The following ARL5B variants were observed in gnomAD, a reference collection of about 807,000 sequenced individuals.
ARL5B encodes the protein ADP-ribosylation factor-like protein 5B.
ARL5B carries 10 observed loss-of-function variants against 26.9 expected under a neutral mutation model. The observed-to-expected ratio is 0.37, with a 90% confidence interval of 0.23 to 0.63. The LOEUF is 0.63. Among genes scored for constraint, ARL5B ranks in the 30% least tolerant of loss-of-function variants. The probability of loss-of-function intolerance (pLI) is 0.62; values close to 1 mark genes in which losing one functional copy is unlikely to be tolerated. For missense variants in ARL5B, 167 were observed against 213.9 expected (o/e 0.78, Z 1.37); for synonymous variants, 87 against 70.4 (o/e 1.24, Z -1.18).
At chr10:18,664,120 A>ATT (rs1417998382) in intron 1 of ARL5B, among the ~76,000 whole-genome samples, 2 of 150,294 alleles carry the variant, frequency 1.3e-5, no homozygotes, top group South Asian at 2.1e-4. Context: ...TGCCCGGCTA[A>ATT]GTTTTGTATT....
intron 1 of ARL5B, 95 bp from the exon 2 acceptor site, chr10:18,666,480 T>C (rs144263128): frequency 4.9e-5 from 50 of 1,015,040 alleles, no homozygotes; most frequent in African/African-American, 3.1e-4. Flanking sequence ...AGTGAATGAT[T>C]CTCATTAATG....
At position 18,677,695 on chromosome 10, in the gene ARL5B, A is replaced by G. The variant is rs530528942; in HGVS notation, c.*2479A>G. 3.3e-5 allele frequency: 5 copies of G among 152,454 alleles called. No individual in the cohort carries two copies. Among genetic ancestry groups the G allele is most frequent in the East Asian group, 1.9e-4 (1 of 5,188 alleles). The allele number at this position is 152,454 out of a possible 1,614,324, so 9.4% of individuals were successfully genotyped here. A position where few individuals can be genotyped will look rare whatever the true frequency, so the allele number is the denominator to read the frequency against. Reference sequence around the variant, plus strand: ...GTAAGATACTGTCTAAAAAATGTACATTTGTAATTAGTGCCTTTATTCATA... The same window carrying G: ...GTAAGATACTGTCTAAAAAATGTACGTTTGTAATTAGTGCCTTTATTCATA... On this transcript the variant is annotated 3_prime_UTR_variant, in exon 6 of 6. Transcript: ENST00000377275.
chr10:18,661,683 A>G (rs538681377), intron 1 of ARL5B, among the ~76,000 whole-genome samples: 2 of 152,368 alleles, frequency 1.3e-5, no homozygotes, highest in African/African-American at 4.8e-5. Flanking sequence ...TAAATTATTT[A>G]ACAGATATGT....
chr10:18,669,061 G>A (rs937595383), intron 3 of ARL5B, among the ~76,000 whole-genome samples: 2 of 151,998 alleles, frequency 1.3e-5, no homozygotes, highest in Admixed American at 6.6e-5. Context: ...GAGCCACCGT[G>A]GCCGGCCTTT....
At chr10:18,671,997 A>G (rs1044408197) in intron 3 of ARL5B, among the ~76,000 whole-genome samples, 2 of 152,102 alleles carry the variant, frequency 1.3e-5, no homozygotes, top group African/African-American at 4.8e-5. Context: ...TTTTTCATGT[A>G]TAGCTTTACC....
intron 1 of ARL5B, among the ~76,000 whole-genome samples, chr10:18,661,618 G>T (rs547303932): frequency 6.6e-6 from 1 of 152,124 alleles, no homozygotes; most frequent in South Asian, 2.1e-4. Flanking sequence ...TTACTTCTTG[G>T]CAAAGTATTC....
At position 18,660,428 on chromosome 10, in the gene ARL5B, G is replaced by A. The variant is rs1319438406; in HGVS notation, c.46+745G>A. On this transcript the variant is annotated intron_variant, in intron 1 of 5. Coordinates refer to ENST00000377275, the MANE Select transcript of ARL5B (RefSeq NM_178815.5). Reference sequence around the variant, plus strand: ...AAACACCCAGACCAAAAAAGGGGCCGACGATAAGTTAAAGTTTGAGGCGTC... The same window carrying A: ...AAACACCCAGACCAAAAAAGGGGCCAACGATAAGTTAAAGTTTGAGGCGTC... Among the ~76,000 whole-genome samples, 11 of 152,296 alleles carry A rather than the reference G, an allele frequency of 7.2e-5. No homozygotes were observed. In the Middle Eastern group the frequency reaches 0.014, roughly 188 times the overall value.
chr10:18,674,071 A>G lies in ARL5B; in HGVS notation c.427A>G (p.Thr143Ala), dbSNP rs142494924. 1 of 1,613,030 alleles carries G rather than the reference A, an allele frequency of 6.2e-7. No individual in the cohort carries two copies. The highest frequency in any genetic ancestry group is 8.5e-7 in the Non-Finnish European group (1 of 1,179,534). ...AGCAGCTGAAATCTCGAAATACCTCACCCTTAGTTCAATTAAGGATCATCC... is the reference window on the plus strand; with the variant it reads ...AGCAGCTGAAATCTCGAAATACCTCGCCCTTAGTTCAATTAAGGATCATCC... ...MTAAEISKYL[T>A]LSSIKDHPWH... The change falls in exon 5 of 6, where the codon ACC (threonine) becomes GCC (alanine). Residue 143 changes from threonine (T) to alanine (A), a missense_variant. Thr to Ala is a moderately conservative substitution (Grantham distance 58). Transcript: ENST00000377275.
In ARL5B at chr10:18,668,643, G is replaced by A. The variant is rs751851248; in HGVS notation, c.221G>A (p.Arg74Gln). ...GATATTGGTGGTCAGGAGTCTCTGC[G>A]ATCATCCTGGAACACATATTACTCA... ...MWDIGGQESL[R>Q]SSWNTYYSNT... Residue 74 changes from arginine (R) to glutamine (Q), a missense_variant, in exon 3 of 6, where the codon CGA becomes CAA. Physicochemically the swap from Arg to Gln is conservative, Grantham distance 43. Transcript: ENST00000377275. The A allele has an allele frequency of 4.3e-6, 7 of 1,614,066 alleles. No homozygotes were observed. The highest frequency in any genetic ancestry group is 5.9e-6 in the Non-Finnish European group (7 of 1,180,026).
intron 1 of ARL5B, among the ~76,000 whole-genome samples, chr10:18,660,372 A>G (rs1184214619): frequency 6.6e-6 from 1 of 152,250 alleles, no homozygotes; most frequent in Non-Finnish European, 1.5e-5. Flanking sequence ...GTTCTGAATC[A>G]GAATGAGATG....
intron 3 of ARL5B, among the ~76,000 whole-genome samples, chr10:18,669,207 A>G (rs971781779): frequency 1.3e-5 from 2 of 152,128 alleles, no homozygotes; most frequent in Non-Finnish European, 2.9e-5. Context: ...GTTTGGAGCT[A>G]TTATTACTTG....
intron 2 of ARL5B, among the ~76,000 whole-genome samples, chr10:18,668,108 A>G (rs2059869675): frequency 6.6e-6 from 1 of 152,188 alleles, no homozygotes. Flanking sequence ...CTAAGTCTCA[A>G]TTTAGACAGT....
rs761489780 is a variant in ARL5B at position 18,668,548 on chromosome 10, T to G, written c.126T>G (p.Val42=). 1.2e-6 allele frequency: 2 copies of G among 1,614,110 alleles called. No individual in the cohort carries two copies. The highest frequency in any genetic ancestry group is 2.2e-5 in the South Asian group (2 of 91,074). Residue 42 remains valine (V), a synonymous_variant, in exon 3 of 6, where the codon GTT becomes GTG. Coordinates refer to ENST00000377275, the MANE Select transcript of ARL5B (RefSeq NM_178815.5). ...ILYQFLMNEV[V]HTSPTIGSNV... is the part of the protein sequence containing the mutation. ...TCAACAGCTTAATGAATGAAGTGGT[T>G]CATACTTCTCCAACCATAGGAAGCA... is the stretch of plus-strand genomic sequence containing the variant.
chr10:18,659,505 C>G lies in ARL5B; in HGVS notation c.-133C>G, dbSNP rs866481286. 5.1e-6 allele frequency: 6 copies of G among 1,182,588 alleles called. No homozygotes were observed. The Middle Eastern group carries it at 8.5e-4, about 168-fold the overall frequency. The allele number at this position is 1,182,588 out of a possible 1,614,324, so 73.3% of individuals were successfully genotyped here. A position where few individuals can be genotyped will look rare whatever the true frequency, so the allele number is the denominator to read the frequency against. On this transcript the variant is annotated 5_prime_UTR_variant, in exon 1 of 6. Transcript: ENST00000377275. ...TCTGAGTGGTCGGGTCGAGGCTTCTCGGCCTAGCAGTGCCCTCGCTGCGCG... is the reference window on the plus strand; with the variant it reads ...TCTGAGTGGTCGGGTCGAGGCTTCTGGGCCTAGCAGTGCCCTCGCTGCGCG...
At position 18,678,972 on chromosome 10, in the gene ARL5B, A is replaced by G. The variant is rs2059921818; in HGVS notation, c.*3756A>G. 6.6e-6 allele frequency: 1 copy of G among 151,898 alleles called. No individual in the cohort carries two copies. The highest frequency in any genetic ancestry group is 2.4e-5 in the African/African-American group (1 of 41,412). The allele number at this position is 151,898 out of a possible 1,614,324, so 9.4% of individuals were successfully genotyped here. On this transcript the variant is annotated 3_prime_UTR_variant, in exon 6 of 6. Coordinates refer to ENST00000377275, the MANE Select transcript of ARL5B (RefSeq NM_178815.5). ...TGGTTTTAAAATTCTGAATGCTTAT[A>G]TACTACTATTAAAAATTAAAAATCC...
At chr10:18,662,624 C>G (rs2059842023) in intron 1 of ARL5B, among the ~76,000 whole-genome samples, 1 of 151,114 alleles carries the variant, frequency 6.6e-6, no homozygotes, top group African/African-American at 2.4e-5. Context: ...TTCTTTTGAA[C>G]TTTTGTAGGC....
intron 3 of ARL5B, among the ~76,000 whole-genome samples, 159 bp downstream of exon 3, chr10:18,668,836 C>T (rs1227811269): frequency 2.9e-5 from 4 of 140,078 alleles, no homozygotes; most frequent in African/African-American, 1.1e-4. Flanking sequence ...GTGGAGTGAT[C>T]TTGGCTCGCT....
intron 3 of ARL5B, among the ~76,000 whole-genome samples, chr10:18,669,171 T>C (rs1380073606): frequency 1.3e-5 from 2 of 152,034 alleles, no homozygotes; most frequent in Non-Finnish European, 2.9e-5. Flanking sequence ...GGTTTTCGAA[T>C]AAAAGAAAAG....
chr10:18,664,081 G>A (rs1164904004), intron 1 of ARL5B, among the ~76,000 whole-genome samples: 2 of 151,966 alleles, frequency 1.3e-5, no homozygotes, highest in South Asian at 2.1e-4. Flanking sequence ...AGCCTCCCAA[G>A]TAACTAGGAC....
Sources: gnomAD v4.1 joint callset for allele counts (sites outside exome capture counted in the v4.1 genomes callset) on GRCh38, gnomAD v4.1.1 for gene constraint, MANE v1.5 for transcripts, NCBI Gene and HGNC (gene_info 2026-07-23, HGNC 2026-07-21) for gene names.